The following PCDHGB7 variants were observed in gnomAD, a reference collection of about 807,000 sequenced individuals.
The protein encoded by PCDHGB7 is protocadherin gamma subfamily B, 7.
PCDHGB7 carries 37 observed loss-of-function variants against 61.4 expected under a neutral mutation model. The ratio of observed to expected loss-of-function variants is 0.60; its 90% CI spans 0.46 to 0.79. The LOEUF (loss-of-function observed/expected upper bound fraction) is 0.79. Among genes scored for constraint, PCDHGB7 ranks in the 30% least tolerant of loss-of-function variants. The probability of loss-of-function intolerance (pLI) is 0.00; values close to 1 mark genes in which losing one functional copy is unlikely to be tolerated. For synonymous variants in PCDHGB7, 464 were observed against 503.5 expected, an observed-to-expected ratio of 0.92 and a Z score of 1.05; for missense variants, 1,166 against 1,202.5, an observed-to-expected ratio of 0.97 and a Z score of 0.45.
At chr5:141,481,533 T>TG (rs1246139713) in intron 1 of PCDHGB7, among the ~76,000 whole-genome samples, 2 of 152,200 alleles carry the variant, frequency 1.3e-5, no homozygotes, top group Admixed American at 6.5e-5. Context: ...AATCTAGAGA[T>TG]GGGGCTGGGC....
intron 1 of PCDHGB7, chr5:141,475,997 G>T: frequency 8.4e-7 from 1 of 1,184,406 alleles, no homozygotes; most frequent in Non-Finnish European, 1.2e-6. Flanking sequence ...CAAATCAACG[G>T]CATCCAGAAA....
chr5:141,423,210 C>A (rs954945082), intron 1 of PCDHGB7: 2 of 1,613,578 alleles, frequency 1.2e-6, no homozygotes, highest in East Asian at 4.5e-5. Flanking sequence ...CCGTCACGCT[C>A]ACCGTGGCTG....
At position 141,486,047 on chromosome 5, in the gene PCDHGB7, C is replaced by G. The variant is rs763394605; in HGVS notation, c.2416-8760C>G. The G allele has an allele frequency of 3.1e-6, 5 of 1,614,172 alleles. No homozygotes were observed. The East Asian group carries it at 6.7e-5, about 22-fold the overall frequency. On this transcript the variant is annotated intron_variant, in intron 1 of 3. Transcript: ENST00000398594. This position sits in a 1 kb window ranked among gnomAD's most constrained non-coding sequence, Gnocchi z 5.0. ...TCATACCCCTGATCGTGTAAGAAAC[C>G]TCTTTAGCCTGCACCCCACTACTGG...
At position 141,431,110 on chromosome 5, in the gene PCDHGB7, T is replaced by G; in HGVS notation, c.2415+10836T>G. 1.2e-6 allele frequency: 2 copies of G among 1,614,168 alleles called. No individual in the cohort carries two copies. The highest frequency in any genetic ancestry group is 1.7e-6 in the Non-Finnish European group (2 of 1,180,012). On this transcript the variant is annotated intron_variant, in intron 1 of 3. Transcript: ENST00000398594. This position sits in a 1 kb window ranked among gnomAD's most constrained non-coding sequence, Gnocchi z 4.8. Reference sequence around the variant, plus strand: ...TGATGGAGGATAAAGTGAAAATATATGGAGTAGAAGTAGAAGTAAGGGACA... The same window carrying G: ...TGATGGAGGATAAAGTGAAAATATAGGGAGTAGAAGTAGAAGTAAGGGACA...
chr5:141,476,317 G>T lies in PCDHGB7; in HGVS notation c.2416-18490G>T, dbSNP rs759809060. ...GTAGCCTCTCAGCCCGCAGGTTCCG[G>T]GTGGTGTCTGGAGCTAGCCGAAGAT... On this transcript the variant is annotated intron_variant, in intron 1 of 3. Transcript: ENST00000398594. This position sits in a 1 kb window ranked among gnomAD's most constrained non-coding sequence, Gnocchi z 7.6. 1.9e-6 allele frequency: 3 copies of T among 1,614,170 alleles called. No individual in the cohort carries two copies. The highest frequency in any genetic ancestry group is 1.7e-5 in the Admixed American group (1 of 60,024).
chr5:141,474,499 C>T (rs1480109147), intron 1 of PCDHGB7, among the ~76,000 whole-genome samples: 1 of 152,198 alleles, frequency 6.6e-6, no homozygotes, highest in Non-Finnish European at 1.5e-5. Context: ...TCTTCTAATG[C>T]CTATCAGCCC....
At chr5:141,438,287 T>C (rs1183751436) in intron 1 of PCDHGB7, among the ~76,000 whole-genome samples, 1 of 152,054 alleles carries the variant, frequency 6.6e-6, no homozygotes, top group African/African-American at 2.4e-5. Context: ...TAATTTAATC[T>C]GTATGTAAAA....
Position 141,485,813 on chromosome 5 carries a change from G to A in PCDHGB7, c.2416-8994G>A. The A allele has an allele frequency of 1.9e-6, 3 of 1,614,078 alleles. No individual in the cohort carries two copies. Among genetic ancestry groups the A allele is most frequent in the Non-Finnish European group, 2.5e-6 (3 of 1,180,008 alleles). On this transcript the variant is annotated intron_variant, in intron 1 of 3. Coordinates refer to ENST00000398594, the MANE Select transcript of PCDHGB7 (RefSeq NM_018927.4). This position sits in a 1 kb window ranked among gnomAD's most constrained non-coding sequence, Gnocchi z 5.7. ...ATCGGACTACCGCCTGGTGCTGACT[G>A]CTGTCGATGGAGGGAACCCGCCGAG... is the stretch of plus-strand genomic sequence containing the variant.
At chr5:141,488,359 T>A (rs1262194591) in intron 1 of PCDHGB7, among the ~76,000 whole-genome samples, 1 of 152,198 alleles carries the variant, frequency 6.6e-6, no homozygotes, top group Non-Finnish European at 1.5e-5. Context: ...ACCCTGTGCA[T>A]CTTTAAGTTG....
chr5:141,509,719 C>G (rs2099877973), intron 3 of PCDHGB7, among the ~76,000 whole-genome samples: 1 of 152,152 alleles, frequency 6.6e-6, no homozygotes, highest in Non-Finnish European at 1.5e-5. Flanking sequence ...TGTCTGATGT[C>G]ACCTAGCTGT....
At chr5:141,499,397 T>A (rs1171838687) in intron 2 of PCDHGB7, among the ~76,000 whole-genome samples, 2 of 152,122 alleles carry the variant, frequency 1.3e-5, no homozygotes, top group African/African-American at 4.8e-5. Flanking sequence ...AAATAGTACA[T>A]GCTCATTATA....
rs1280755615 is a variant in PCDHGB7, at chr5:141,431,629, A to G, written c.2415+11355A>G. 1 of 1,614,246 alleles carries G rather than the reference A, an allele frequency of 6.2e-7. No individual in the cohort carries two copies. ...GGTATGTGGACGACAAGGCGGCCCA[A>G]GTTTTCAAACTAGATTGTAATTCAG... On this transcript the variant is annotated intron_variant, in intron 1 of 3. Transcript: ENST00000398594. The surrounding 1 kb of genome is among the most constrained non-coding windows in gnomAD (Gnocchi z 4.8).
At chr5:141,501,127 T>C (rs2099805755) in intron 2 of PCDHGB7, among the ~76,000 whole-genome samples, 5 of 152,024 alleles carry the variant, frequency 3.3e-5, no homozygotes, top group Non-Finnish European at 7.4e-5. Context: ...TCAGCCTCCC[T>C]AAGTGCTGGG....
rs2099883775 is a variant in PCDHGB7 at position 141,511,415 on chromosome 5, A to G, written c.*242A>G. On this transcript the variant is annotated 3_prime_UTR_variant, in exon 4 of 4. Transcript: ENST00000398594. ...CCCCATCCAATCAACTGCTGTACCC[A>G]TGGGGGTAGTGGGGTTACTGTAGAC... 1.2e-6 allele frequency: 1 copy of G among 868,992 alleles called. No individual in the cohort carries two copies. The highest frequency in any genetic ancestry group is 2.9e-5 in the East Asian group (1 of 34,592). The allele number at this position is 868,992 out of a possible 1,614,324, so 53.8% of individuals were successfully genotyped here.
At chr5:141,509,720 A>G (rs916316577) in intron 3 of PCDHGB7, among the ~76,000 whole-genome samples, 6 of 151,974 alleles carry the variant, frequency 3.9e-5, no homozygotes, top group Admixed American at 3.3e-4. Context: ...GTCTGATGTC[A>G]CCTAGCTGTG....
chr5:141,492,458 G>A (rs1333043781), intron 1 of PCDHGB7, among the ~76,000 whole-genome samples: 1 of 152,230 alleles, frequency 6.6e-6, no homozygotes, highest in Non-Finnish European at 1.5e-5. Flanking sequence ...GTGCGCGCCT[G>A]AGGGTCCCAG....
chr5:141,438,721 G>A (rs886300746), intron 1 of PCDHGB7, among the ~76,000 whole-genome samples: 30 of 148,304 alleles, frequency 2.0e-4, no homozygotes, highest in Non-Finnish European at 7.4e-5. Flanking sequence ...AGTGCAAGTG[G>A]TGTGATCTCA....
intron 3 of PCDHGB7, among the ~76,000 whole-genome samples, chr5:141,509,450 C>A (rs2099876883): frequency 6.6e-6 from 1 of 152,128 alleles, no homozygotes; most frequent in Non-Finnish European, 1.5e-5. Context: ...CCTCTCCCAC[C>A]CCCGACCCAG....
chr5:141,494,762 A>G (rs770570158), intron 1 of PCDHGB7, 45 bp from the exon 2 acceptor site: 1 of 1,613,200 alleles, frequency 6.2e-7, no homozygotes, highest in South Asian at 1.1e-5. Flanking sequence ...TGACATTCTA[A>G]CTTCTCACGG....
Sources: gnomAD v4.1 joint callset for allele counts (sites outside exome capture counted in the v4.1 genomes callset) on GRCh38, gnomAD v4.1.1 for gene constraint, Gnocchi (gnomAD v3.1) non-coding constraint, MANE v1.5 for transcripts, NCBI Gene and HGNC (gene_info 2026-07-23, HGNC 2026-07-21) for gene names.